CAPN14: variants seen among roughly 807,000 people sequenced by gnomAD.
CAPN14 encodes the protein calpain 14.
CAPN14 carries 94 observed loss-of-function variants against 101.3 expected under a neutral mutation model. That is an observed-to-expected ratio of 0.93 (90% CI 0.79 to 1.10). CAPN14 has a LOEUF of 1.10. CAPN14 is among the 50% of genes least tolerant of loss of function. The pLI is 0.00. For synonymous variants in CAPN14, 338 were observed against 317.9 expected, an observed-to-expected ratio of 1.06 and a Z score of -0.67; for missense variants, 837 against 828.4, an observed-to-expected ratio of 1.01 and a Z score of -0.13.
At chr2:31,206,026 TTTTA>T (rs1437013334) in intron 1 of CAPN14, among the ~76,000 whole-genome samples, 2 of 131,912 alleles carry the variant, frequency 1.5e-5, no homozygotes, top group Admixed American at 8.0e-5. Flanking sequence ...TCTTTATTTT[TTTTA>T]TTTATTTATT....
chr2:31,227,160 C>T (rs1558641558), intron 1 of CAPN14, among the ~76,000 whole-genome samples: 1 of 152,208 alleles, frequency 6.6e-6, no homozygotes, highest in Non-Finnish European at 1.5e-5. Context: ...TAGAAGCAGG[C>T]ATCTTATTAA....
chr2:31,213,706 A>C lies in CAPN14; in HGVS notation c.-53+3750T>G, dbSNP rs938610692. Among the ~76,000 whole-genome samples the C allele has an allele frequency of 3.3e-5, 5 of 152,214 alleles. No homozygotes were observed. In the East Asian group the frequency reaches 7.7e-4, roughly 23 times the overall value. ...ACCCTTAACATTTACAGTTACAATC[A>C]TGTCTCAAAACACTTGCAAATGTGG... On this transcript the variant is annotated intron_variant, in intron 1 of 21. Coordinates refer to ENST00000403897, the MANE Select transcript of CAPN14 (RefSeq NM_001145122.2).
chr2:31,195,545 C>T (rs1681427828), intron 8 of CAPN14, among the ~76,000 whole-genome samples: 4 of 152,244 alleles, frequency 2.6e-5, no homozygotes, highest in South Asian at 4.1e-4. Context: ...CCATGTTGGC[C>T]GGGCTGGTCT....
intron 1 of CAPN14, among the ~76,000 whole-genome samples, chr2:31,206,499 C>T (rs560172228): frequency 2.6e-5 from 4 of 152,336 alleles, no homozygotes; most frequent in South Asian, 4.1e-4. Context: ...GTGATCTACC[C>T]GCCTTGGCCT....
intron 1 of CAPN14, among the ~76,000 whole-genome samples, chr2:31,216,809 C>T (rs906274152): frequency 2.0e-5 from 3 of 152,142 alleles, no homozygotes; most frequent in African/African-American, 7.2e-5. Flanking sequence ...ACCACTCAGA[C>T]AAGGGCAATT....
intron 1 of CAPN14, among the ~76,000 whole-genome samples, chr2:31,229,468 T>C (rs1239777232): frequency 6.6e-6 from 1 of 151,726 alleles, no homozygotes; most frequent in Non-Finnish European, 1.5e-5. Context: ...ACTATCAAAT[T>C]TGAGGAATAA....
chr2:31,202,612 C>T (rs1169254114), intron 3 of CAPN14, among the ~76,000 whole-genome samples: 3 of 152,178 alleles, frequency 2.0e-5, no homozygotes, highest in Admixed American at 6.5e-5. Context: ...TCCTTCAGGA[C>T]TCCATTTCCC....
At chr2:31,182,458 C>A (rs1680695267) in intron 16 of CAPN14, among the ~76,000 whole-genome samples, 1 of 137,556 alleles carries the variant, frequency 7.3e-6, no homozygotes, top group African/African-American at 3.1e-5. Context: ...CCCAAAATCT[C>A]CTTAAGCTGA....
chr2:31,189,976 C>T (rs930107404), intron 12 of CAPN14, among the ~76,000 whole-genome samples: 3 of 146,108 alleles, frequency 2.1e-5, no homozygotes, highest in Non-Finnish European at 4.6e-5. Flanking sequence ...ACCACCTCCC[C>T]ACCTACACCA....
At chr2:31,205,175 C>T (rs1478567401) in intron 2 of CAPN14, 48 bp downstream of exon 2, 1 of 1,497,248 alleles carries the variant, frequency 6.7e-7, no homozygotes, top group Admixed American at 2.0e-5. Flanking sequence ...TATCTGAAAG[C>T]CCTAAACCCT....
intron 2 of CAPN14, chr2:31,226,519 A>C (rs1683027708): frequency 6.6e-6 from 1 of 152,248 alleles, no homozygotes; most frequent in Non-Finnish European, 1.5e-5. Context: ...ACATGTAAAC[A>C]ACACTTACAG....
At chr2:31,225,213 T>A (rs1682984460) in intron 2 of CAPN14, among the ~76,000 whole-genome samples, 1 of 152,074 alleles carries the variant, frequency 6.6e-6, no homozygotes, top group Non-Finnish European at 1.5e-5. Context: ...AACTTTTTCA[T>A]AATAAAATAT....
chr2:31,202,085 C>G (rs1417300802), intron 4 of CAPN14, 49 bp downstream of exon 4: 13 of 1,550,082 alleles, frequency 8.4e-6, no homozygotes, highest in African/African-American at 1.4e-5. Flanking sequence ...CTCCAGGAAC[C>G]CTTTTTCCTA....
chr2:31,231,744 C>A (rs920877026), intron 1 of CAPN14, among the ~76,000 whole-genome samples: 1 of 152,188 alleles, frequency 6.6e-6, no homozygotes, highest in Non-Finnish European at 1.5e-5. Context: ...TCCTGTCACG[C>A]TGGCCATACT....
intron 17 of CAPN14, among the ~76,000 whole-genome samples, chr2:31,179,940 G>C (rs1419829678): frequency 6.6e-6 from 1 of 152,170 alleles, no homozygotes; most frequent in Non-Finnish European, 1.5e-5. Context: ...TTAAAAAATA[G>C]TAACCTTTTT....
intron 1 of CAPN14, among the ~76,000 whole-genome samples, chr2:31,232,170 A>C (rs989407552): frequency 6.6e-6 from 1 of 152,160 alleles, no homozygotes; most frequent in Non-Finnish European, 1.5e-5. Context: ...GATTGAACAC[A>C]TTATCTCTGT....
intron 16 of CAPN14, among the ~76,000 whole-genome samples, chr2:31,183,567 C>T (rs578184983): frequency 6.6e-6 from 1 of 152,092 alleles, no homozygotes; most frequent in African/African-American, 2.4e-5. Context: ...ATTTATGCAG[C>T]CAAAAAACAC....
rs199766620 is a variant in CAPN14, at chr2:31,188,294, A to G, written c.1530+24T>C. On this transcript the variant is annotated intron_variant, in intron 14 of 21. Transcript: ENST00000403897. The stretch of plus-strand genomic sequence containing the variant: ...TGGCTTGGAAAGCAGTCCCAGCCAT[A>G]TGGAATTCCACCAGACTACTCACCT... 1.4e-4 allele frequency: 215 copies of G among 1,548,806 alleles called. No individual in the cohort carries two copies. In the Middle Eastern group the frequency reaches 1.8e-3, roughly 13 times the overall value.
At chr2:31,193,057 C>A in intron 10 of CAPN14, 74 bp downstream of exon 10, 1 of 1,396,708 alleles carries the variant, frequency 7.2e-7, no homozygotes, top group Admixed American at 2.1e-5. Flanking sequence ...CGTGCTGCAA[C>A]CCCCTGTGCA....
Sources: gnomAD v4.1 joint callset for allele counts (sites outside exome capture counted in the v4.1 genomes callset) on GRCh38, gnomAD v4.1.1 for gene constraint, MANE v1.5 for transcripts, NCBI Gene and HGNC (gene_info 2026-07-23, HGNC 2026-07-21) for gene names.